The following LRRIQ1 variants were observed in gnomAD, a reference collection of about 807,000 sequenced individuals.
LRRIQ1 encodes leucine-rich repeat- and IQ domain-containing protein 1.
A neutral mutation model predicts 211.9 loss-of-function variants in LRRIQ1; 210 were observed. The observed-to-expected ratio is 0.99, with a 90% confidence interval of 0.89 to 1.11. The LOEUF (loss-of-function observed/expected upper bound fraction) is 1.11, where lower values mean the gene tolerates loss of function less well. LRRIQ1 is among the 50% of genes most tolerant of loss of function. The pLI, the probability that LRRIQ1 is intolerant of heterozygous loss-of-function variation, is 0.00. For synonymous variants in LRRIQ1, 699 were observed against 650.1 expected, an observed-to-expected ratio of 1.08 and a Z score of -1.14; for missense variants, 2,136 against 1,939.5, an observed-to-expected ratio of 1.10 and a Z score of -1.90.
intron 24 of LRRIQ1, among the ~76,000 whole-genome samples, chr12:85,189,042 A>G (rs1420768767): frequency 6.6e-6 from 1 of 152,110 alleles, no homozygotes; most frequent in Non-Finnish European, 1.5e-5. Context: ...CTCAAATCCA[A>G]GCAAGTACAG....
At chr12:85,162,802 A>G (rs990953161) in intron 24 of LRRIQ1, 2 of 456,076 alleles carry the variant, frequency 4.4e-6, no homozygotes, top group Non-Finnish European at 8.8e-6. Flanking sequence ...AACCAGGTAA[A>G]GTACATTTGG....
At chr12:85,138,036 A>G in intron 19 of LRRIQ1, 67 bp downstream of exon 19, 1 of 987,168 alleles carries the variant, frequency 1.0e-6, no homozygotes, top group Non-Finnish European at 1.5e-6. Context: ...TTTGAAGATA[A>G]ACCAGTTTCT....
intron 24 of LRRIQ1, among the ~76,000 whole-genome samples, chr12:85,214,891 ATAG>A: frequency 1.3e-5 from 2 of 152,274 alleles, no homozygotes; most frequent in South Asian, 4.1e-4. Flanking sequence ...AGATGTCATA[ATAG>A]TAGTGAAACA....
intron 24 of LRRIQ1, among the ~76,000 whole-genome samples, chr12:85,188,638 T>C (rs1272290074): frequency 6.6e-6 from 1 of 152,106 alleles, no homozygotes; most frequent in African/African-American, 2.4e-5. Flanking sequence ...CATAGCTACT[T>C]CCTGGAGTCC....
At chr12:85,232,871 TG>T in intron 26 of LRRIQ1, 115 bp downstream of exon 26, 1 of 701,340 alleles carries the variant, frequency 1.4e-6, no homozygotes, top group Non-Finnish European at 2.5e-6. Flanking sequence ...TGTATCTATT[TG>T]GGATAATATC....
rs200693636 is a variant in LRRIQ1 at position 85,124,146 on chromosome 12, C to T, written c.3634C>T (p.Arg1212Ter). The part of the protein sequence containing the change: ...KKLMILSTEY[R>*]HAHERGDVTI... ...ATTGATGATACTTAGTACTGAATACCGACATGCACACGAACGAGGGGATGT... is the reference window on the plus strand; with the variant it reads ...ATTGATGATACTTAGTACTGAATACTGACATGCACACGAACGAGGGGATGT... The change falls in exon 17 of 27, where the codon CGA becomes TGA. Residue 1212 changes from arginine (R) to a stop codon, truncating the protein, a stop_gained. Coordinates refer to ENST00000393217, the MANE Select transcript of LRRIQ1 (RefSeq NM_001079910.2). LOFTEE classifies it high-confidence loss of function. 11 of 1,613,870 alleles carry T rather than the reference C, an allele frequency of 6.8e-6. No homozygotes were observed. Among genetic ancestry groups the T allele is most frequent in the South Asian group, 3.3e-5 (3 of 91,074 alleles).
At chr12:85,110,026 T>C (rs1887061645) in intron 15 of LRRIQ1, among the ~76,000 whole-genome samples, 1 of 152,068 alleles carries the variant, frequency 6.6e-6, no homozygotes. Context: ...TCTCATGGGG[T>C]GGTTATGAGA....
intron 9 of LRRIQ1, among the ~76,000 whole-genome samples, chr12:85,066,167 C>A (rs1882406349): frequency 6.6e-6 from 1 of 151,876 alleles, no homozygotes; most frequent in Non-Finnish European, 1.5e-5. Context: ...TGATTCACAT[C>A]TTTCCCACAT....
At chr12:85,047,562 T>A in intron 6 of LRRIQ1, 92 bp downstream of exon 6, 1 of 1,044,522 alleles carries the variant, frequency 9.6e-7, no homozygotes, top group Non-Finnish European at 1.4e-6. Context: ...TTGAGCTTAA[T>A]AGTATGACTT....
chr12:85,082,690 C>T (rs1408081681), intron 11 of LRRIQ1, among the ~76,000 whole-genome samples: 1 of 152,156 alleles, frequency 6.6e-6, no homozygotes, highest in African/African-American at 2.4e-5. Flanking sequence ...AAAACTTCAG[C>T]TAATTCTAAT....
intron 23 of LRRIQ1, among the ~76,000 whole-genome samples, chr12:85,155,909 C>A (rs1319247862): frequency 1.3e-5 from 2 of 151,430 alleles, no homozygotes; most frequent in African/African-American, 4.8e-5. Context: ...TATGCTAGTA[C>A]ATAAAAATCA....
In LRRIQ1 at chr12:85,141,485, C is replaced by T. The variant is rs566847532; in HGVS notation, c.4329+3516C>T. 2.7e-5 allele frequency among the ~76,000 whole-genome samples: 4 copies of T among 150,418 alleles called. No homozygotes were observed. The South Asian group carries it at 8.3e-4, about 31-fold the overall frequency. On this transcript the variant is annotated intron_variant, in intron 19 of 26. Coordinates refer to ENST00000393217, the MANE Select transcript of LRRIQ1 (RefSeq NM_001079910.2). ...TAGTTGAATTATTGTATCGCTGAAC[C>T]TCTTATAATAATATTTTCCTCTTGA...
chr12:85,257,871 C>G (rs2137325455), intron 1 of LRRIQ1, among the ~76,000 whole-genome samples: 1 of 151,768 alleles, frequency 6.6e-6, no homozygotes, highest in East Asian at 1.9e-4. Flanking sequence ...GCGCCACATT[C>G]CAGCCATCAT....
intron 24 of LRRIQ1, among the ~76,000 whole-genome samples, chr12:85,217,584 ATATATATATG>A (rs1894186338): frequency 2.3e-5 from 1 of 42,632 alleles, no homozygotes; most frequent in East Asian, 7.1e-4. Flanking sequence ...ATACATATGT[ATATATATATG>A]TATATATGTA....
At chr12:85,237,498 C>T (rs1895244753) in intron 26 of LRRIQ1, among the ~76,000 whole-genome samples, 1 of 151,978 alleles carries the variant, frequency 6.6e-6, no homozygotes, top group South Asian at 2.1e-4. Context: ...GTACTAAGCT[C>T]TGTATATACT....
At chr12:85,252,583 A>G (rs1210762924) in intron 1 of LRRIQ1, among the ~76,000 whole-genome samples, 1 of 151,894 alleles carries the variant, frequency 6.6e-6, no homozygotes, top group Non-Finnish European at 1.5e-5. Context: ...TTTTCAATTT[A>G]TGGAATTCTG....
chr12:85,108,383 C>T (rs1004291607), intron 15 of LRRIQ1, among the ~76,000 whole-genome samples: 2 of 152,134 alleles, frequency 1.3e-5, no homozygotes, highest in African/African-American at 4.8e-5. Flanking sequence ...CCACCTCAGT[C>T]TCCCAAAGTG....
chr12:85,174,405 A>G (rs1046866758), intron 24 of LRRIQ1, among the ~76,000 whole-genome samples: 2 of 151,916 alleles, frequency 1.3e-5, no homozygotes, highest in Non-Finnish European at 2.9e-5. Flanking sequence ...ATAAATAATC[A>G]GAGATCCAGG....
At chr12:85,247,819 C>T (rs185027292), downstream of LRRIQ1, among the ~76,000 whole-genome samples, 28 of 144,838 alleles carry the variant, frequency 1.9e-4, no homozygotes, top group Admixed American at 6.4e-4. Flanking sequence ...GAGGAGTATA[C>T]TTTGAACATA....
Sources: allele counts gnomAD v4.1 joint callset (sites outside exome capture counted in the v4.1 genomes callset), GRCh38; gene constraint gnomAD v4.1.1; transcripts MANE v1.5; gene names NCBI Gene and HGNC (gene_info 2026-07-23, HGNC 2026-07-21).